Variants in NAALADL2 observed in about 807,000 individuals in gnomAD.
NAALADL2 encodes N-acetylated alpha-linked acidic dipeptidase like 2.
In NAALADL2, 76 loss-of-function variants were observed where a neutral mutation model predicts 87.2. The observed-to-expected ratio is 0.87, with a 90% CI of 0.72 to 1.05. NAALADL2 has a LOEUF of 1.05. Ranked by LOEUF, NAALADL2 falls within the 50% of genes least tolerant of loss-of-function variation. NAALADL2 has a pLI of 0.00. For missense variants in NAALADL2, 1,089 were observed against 945.8 expected, an observed-to-expected ratio of 1.15 and a Z score of -1.99; for synonymous variants, 354 against 331.0, an observed-to-expected ratio of 1.07 and a Z score of -0.75.
At chr3:175,653,000 T>C (rs914150851) in intron 11 of NAALADL2, among the ~76,000 whole-genome samples, 1 of 152,166 alleles carries the variant, frequency 6.6e-6, no homozygotes, top group African/African-American at 2.4e-5. Flanking sequence ...TTATATGTAT[T>C]GTACACTGTA....
chr3:175,314,939 AG>A (rs1364209084), intron 4 of NAALADL2, among the ~76,000 whole-genome samples: 2 of 151,808 alleles, frequency 1.3e-5, no homozygotes, highest in African/African-American at 4.8e-5. Flanking sequence ...TGGGTAGAAA[AG>A]ATGAAGCTAT....
chr3:175,784,097 C>T (rs1489481340), intron 13 of NAALADL2, among the ~76,000 whole-genome samples: 4 of 149,868 alleles, frequency 2.7e-5, no homozygotes, highest in South Asian at 2.1e-4. Flanking sequence ...CTGCTGGATT[C>T]GTTTTGCCAG....
At chr3:175,181,305 T>C (rs115883653) in intron 2 of NAALADL2, among the ~76,000 whole-genome samples, 3,278 of 152,122 alleles carry the variant, frequency 0.022, 56 homozygotes, top group Non-Finnish European at 0.032. Context: ...ATCATAGTCA[T>C]ATATAAATTT....
At chr3:175,359,102 T>C (rs964062161) in intron 5 of NAALADL2, among the ~76,000 whole-genome samples, 1 of 152,088 alleles carries the variant, frequency 6.6e-6, no homozygotes. Flanking sequence ...CCAATGCTCA[T>C]TGCAAGCAGA....
intron 1 of NAALADL2, among the ~76,000 whole-genome samples, chr3:174,500,556 T>G (rs1479673294): frequency 2.0e-5 from 3 of 152,198 alleles, no homozygotes; most frequent in Admixed American, 1.3e-4. Flanking sequence ...ACATTTACTC[T>G]TTCTCTATTA....
intron 3 of NAALADL2, among the ~76,000 whole-genome samples, chr3:174,820,073 A>G (rs1436376725): frequency 6.6e-6 from 1 of 152,112 alleles, no homozygotes; most frequent in Admixed American, 6.6e-5. Flanking sequence ...TGTGGCTCTC[A>G]GTAATTTTCA....
intron 1 of NAALADL2, among the ~76,000 whole-genome samples, chr3:175,010,424 G>T (rs1002346953): frequency 5.3e-5 from 8 of 152,258 alleles, no homozygotes; most frequent in South Asian, 2.1e-4. Flanking sequence ...GGCATCTCTA[G>T]TCTGTTCTCA....
chr3:174,873,318 A>G (rs1451532959), intron 1 of NAALADL2, among the ~76,000 whole-genome samples: 2 of 151,660 alleles, frequency 1.3e-5, no homozygotes, highest in Non-Finnish European at 2.9e-5. Context: ...GCAGTGGCAC[A>G]ATCTTGGCTC....
At chr3:175,647,274 T>A (rs550759422) in intron 11 of NAALADL2, among the ~76,000 whole-genome samples, 1 of 152,132 alleles carries the variant, frequency 6.6e-6, no homozygotes, top group East Asian at 1.9e-4. Flanking sequence ...AATTGACAAT[T>A]TTTGCCAGAA....
intron 3 of NAALADL2, among the ~76,000 whole-genome samples, chr3:174,748,267 A>G (rs928434652): frequency 5.9e-5 from 9 of 152,066 alleles, no homozygotes; most frequent in African/African-American, 2.2e-4. Flanking sequence ...GCACATGTTT[A>G]CCTATGTAAG....
chr3:174,979,847 GT>G (rs1211821939), intron 1 of NAALADL2, among the ~76,000 whole-genome samples: 1 of 152,116 alleles, frequency 6.6e-6, no homozygotes, highest in Admixed American at 6.5e-5. Context: ...CTTAAGCAAT[GT>G]TCTGCCTTTG....
chr3:175,092,783 T>A (rs1158573857), intron 1 of NAALADL2, among the ~76,000 whole-genome samples: 3 of 151,926 alleles, frequency 2.0e-5, no homozygotes, highest in African/African-American at 7.2e-5. Flanking sequence ...AAAAGATAAA[T>A]GTCTTAGTAT....
intron 2 of NAALADL2, among the ~76,000 whole-genome samples, chr3:174,581,421 A>G (rs895047213): frequency 6.6e-6 from 1 of 152,180 alleles, no homozygotes; most frequent in African/African-American, 2.4e-5. Flanking sequence ...CCAGAGAAGC[A>G]GATTAATAAT....
At chr3:174,718,077 G>C (rs980873203) in intron 2 of NAALADL2, among the ~76,000 whole-genome samples, 2 of 151,968 alleles carry the variant, frequency 1.3e-5, no homozygotes, top group South Asian at 2.1e-4. Flanking sequence ...TGCAGTGAGC[G>C]CTCCAGCCTG....
chr3:174,538,427 CTT>C (rs1238261222), intron 1 of NAALADL2, among the ~76,000 whole-genome samples: 1 of 152,084 alleles, frequency 6.6e-6, no homozygotes, highest in Non-Finnish European at 1.5e-5. Flanking sequence ...AATGCAGACT[CTT>C]TGTAGCAATA....
chr3:174,946,329 A>G lies in NAALADL2; in HGVS notation c.43+86879A>G, dbSNP rs139412548. Among the ~76,000 whole-genome samples, 297 of 152,212 alleles carry G rather than the reference A, an allele frequency of 2.0e-3. 2 individuals are homozygous for G. The highest frequency in any genetic ancestry group is 6.1e-3 in the African/African-American group (253 of 41,556). ...AGTGTAAATAAAGTATTTCACAAAAATTCAGTAATAGAATCTATGGTAAAG... is the reference window on the plus strand; with the variant it reads ...AGTGTAAATAAAGTATTTCACAAAAGTTCAGTAATAGAATCTATGGTAAAG... On this transcript the variant is annotated intron_variant, in intron 1 of 13. Coordinates refer to ENST00000454872, the MANE Select transcript of NAALADL2 (RefSeq NM_207015.3).
At chr3:174,962,544 G>C (rs1277649459) in intron 1 of NAALADL2, among the ~76,000 whole-genome samples, 1 of 151,512 alleles carries the variant, frequency 6.6e-6, no homozygotes, top group Non-Finnish European at 1.5e-5. Flanking sequence ...AGGCAGAAGA[G>C]AGTTGTGATA....
chr3:174,842,781 TTGTG>T (rs369170719), intron 3 of NAALADL2, among the ~76,000 whole-genome samples: 1 of 151,372 alleles, frequency 6.6e-6, no homozygotes, highest in African/African-American at 2.4e-5. Context: ...ACACCTGTTT[TTGTG>T]TGTGTGTGTG....
intron 2 of NAALADL2, among the ~76,000 whole-genome samples, chr3:175,149,987 A>G (rs1332637164): frequency 6.6e-6 from 1 of 152,164 alleles, no homozygotes; most frequent in Non-Finnish European, 1.5e-5. Context: ...AGCCATAATT[A>G]TTTTGAGAGA....
Sources: allele counts gnomAD v4.1 joint callset (sites outside exome capture counted in the v4.1 genomes callset), GRCh38; gene constraint gnomAD v4.1.1; transcripts MANE v1.5; gene names NCBI Gene and HGNC (gene_info 2026-07-23, HGNC 2026-07-21).